The following WNK2 variants were observed in gnomAD, a reference collection of about 807,000 sequenced individuals.
WNK2 encodes serine/threonine-protein kinase WNK2.
A neutral mutation model predicts 192.1 loss-of-function variants in WNK2; 67 were observed. The observed-to-expected ratio is 0.35, with a 90% CI of 0.29 to 0.43. The LOEUF is 0.43. Ranked by LOEUF, WNK2 falls within the 20% of genes least tolerant of loss-of-function variation. The probability of loss-of-function intolerance (pLI) is 1.00; values close to 1 mark genes in which losing one functional copy is unlikely to be tolerated. For synonymous variants in WNK2, 1,439 were observed against 1,393.9 expected (o/e 1.03, Z -0.72); for missense variants, 2,698 against 3,089.7 (o/e 0.87, Z 3.01).
Position 93,184,336 on chromosome 9 carries a change from C to A in WNK2, c.-52C>A, listed in dbSNP as rs1249998523. On this transcript the variant is annotated 5_prime_UTR_variant, in exon 1 of 30. Transcript: ENST00000427277. ...CCTCGAAGCGTGATCTCTCCCGCCT[C>A]GCACGCCCTGGCCGCCGGGCCGCGG... Among the ~76,000 whole-genome samples the A allele has an allele frequency of 6.6e-6, 1 of 151,234 alleles. No homozygotes were observed. Among genetic ancestry groups the A allele is most frequent in the Admixed American group, 6.6e-5 (1 of 15,200 alleles).
chr9:93,241,290 G>A (rs1044112821), intron 7 of WNK2, among the ~76,000 whole-genome samples: 1 of 152,228 alleles, frequency 6.6e-6, no homozygotes, highest in Non-Finnish European at 1.5e-5. Context: ...AAGACCAGTG[G>A]GAACGAGAGG....
At chr9:93,273,686 A>G (rs1321279336) in intron 19 of WNK2, among the ~76,000 whole-genome samples, 1 of 152,248 alleles carries the variant, frequency 6.6e-6, no homozygotes, top group African/African-American at 2.4e-5. Context: ...ATTGACATTT[A>G]TAGAACACTC....
chr9:93,277,558 C>T (rs1267910602), intron 19 of WNK2, among the ~76,000 whole-genome samples: 2 of 152,142 alleles, frequency 1.3e-5, no homozygotes, highest in East Asian at 3.8e-4. Flanking sequence ...ACCTCAAAGG[C>T]ATTAAGCTGA....
Position 93,289,565 on chromosome 9 carries a change from T to G in WNK2, c.4811T>G (p.Leu1604Arg). The G allele has an allele frequency of 6.5e-7, 1 of 1,539,222 alleles. No individual in the cohort carries two copies. The highest frequency in any genetic ancestry group is 8.7e-7 in the Non-Finnish European group (1 of 1,143,512). ...RSEVCGGDLA[L>R]PPVPKEAVSG... is the part of the protein sequence containing the mutation. ...GAGGTCTGCGGGGGGGACCTGGCCC[T>G]GCCCCCAGTGCCTAAGGAGGCGGTC... The change falls in exon 20 of 30, where the codon CTG becomes CGG. Residue 1604 changes from leucine to arginine, a missense_variant. Leu to Arg is a moderately radical substitution (Grantham distance 102). This residue lies in a region of WNK2 where 1,098 missense variants were observed against 1,101.0 expected (regional missense o/e 1.00). Transcript: ENST00000427277.
intron 2 of WNK2, among the ~76,000 whole-genome samples, chr9:93,212,829 T>C (rs900887023): frequency 6.6e-6 from 1 of 152,180 alleles, no homozygotes; most frequent in Non-Finnish European, 1.5e-5. Context: ...TGTTTCTTCA[T>C]CTCTGGGTGT....
At chr9:93,195,961 G>A (rs1831212020) in intron 2 of WNK2, among the ~76,000 whole-genome samples, 1 of 152,126 alleles carries the variant, frequency 6.6e-6, no homozygotes, top group African/African-American at 2.4e-5. Context: ...TGAACCCTTT[G>A]CTGAGGGTGG....
chr9:93,224,053 G>T (rs1368635109), intron 2 of WNK2, among the ~76,000 whole-genome samples: 1 of 152,220 alleles, frequency 6.6e-6, no homozygotes, highest in Non-Finnish European at 1.5e-5. Context: ...TGGGACTATT[G>T]TGGACAGAGA....
At chr9:93,292,077 A>G (rs1233150944) in intron 21 of WNK2, among the ~76,000 whole-genome samples, 1 of 152,192 alleles carries the variant, frequency 6.6e-6, no homozygotes, top group Non-Finnish European at 1.5e-5. Context: ...GGCATCTGTC[A>G]TAGAATGCCG....
At chr9:93,284,689 C>T (rs142291986) in intron 19 of WNK2, among the ~76,000 whole-genome samples, 16 of 152,302 alleles carry the variant, frequency 1.1e-4, no homozygotes, top group South Asian at 4.1e-4. Flanking sequence ...AAGAAGCTCA[C>T]GCCCTGCTTC....
chr9:93,252,330 G>A (rs1365416347), intron 8 of WNK2, among the ~76,000 whole-genome samples: 2 of 152,208 alleles, frequency 1.3e-5, no homozygotes, highest in Non-Finnish European at 2.9e-5. Context: ...TGTCACCCCT[G>A]CCACCGCATC....
chr9:93,204,432 G>T (rs1052909092), intron 2 of WNK2, among the ~76,000 whole-genome samples: 1 of 152,222 alleles, frequency 6.6e-6, no homozygotes, highest in Non-Finnish European at 1.5e-5. Context: ...TGGAATGGGG[G>T]CCAGAAAGGC....
intron 2 of WNK2, among the ~76,000 whole-genome samples, chr9:93,227,833 C>G (rs1838079035): frequency 6.6e-6 from 1 of 152,080 alleles, no homozygotes. Context: ...GAACATGTTT[C>G]CATTTTATTG....
chr9:93,186,376 C>T (rs1829339298), intron 2 of WNK2, among the ~76,000 whole-genome samples: 1 of 152,184 alleles, frequency 6.6e-6, no homozygotes. Flanking sequence ...GGTGTCAGCC[C>T]CAGCCCTGCA....
At position 93,256,615 on chromosome 9, in the gene WNK2, G is replaced by T. The variant is rs111738260; in HGVS notation, c.2190+161G>T. On this transcript the variant is annotated intron_variant, in intron 10 of 29. Transcript: ENST00000427277. ...TGCCTGAGGGATGGGAGTGACTCTC[G>T]TATGTGCATGTGTTTGTGTGTGTAC... 320 of 849,874 alleles carry T rather than the reference G, an allele frequency of 3.8e-4. 1 individual carries two copies. In the African/African-American group the frequency reaches 4.7e-3, roughly 12 times the overall value. 52.6% of individuals were successfully genotyped at this position (849,874 alleles called of 1,614,324 possible).
At chr9:93,217,871 C>T (rs1279517205) in intron 2 of WNK2, among the ~76,000 whole-genome samples, 5 of 152,178 alleles carry the variant, frequency 3.3e-5, no homozygotes, top group Admixed American at 2.0e-4. Flanking sequence ...CCTAGGGCCT[C>T]TGGGGAGGAA....
intron 7 of WNK2, among the ~76,000 whole-genome samples, chr9:93,246,723 G>T (rs890164576): frequency 4.6e-5 from 7 of 152,200 alleles, no homozygotes; most frequent in Admixed American, 4.6e-4. Context: ...CCTCTTGCAC[G>T]GGCACCTCCG....
chr9:93,186,821 C>T (rs375405259), intron 2 of WNK2, among the ~76,000 whole-genome samples: 8 of 152,280 alleles, frequency 5.3e-5, no homozygotes, highest in African/African-American at 1.7e-4. Flanking sequence ...CTTGGTTCTG[C>T]CTTGGAGATG....
At chr9:93,260,990 C>T (rs1448680900) in intron 12 of WNK2, among the ~76,000 whole-genome samples, 1 of 152,194 alleles carries the variant, frequency 6.6e-6, no homozygotes, top group East Asian at 1.9e-4. Flanking sequence ...GTGGCTGTCC[C>T]TGCTGTTTGG....
At chr9:93,301,582 T>A (rs546184539) in intron 26 of WNK2, among the ~76,000 whole-genome samples, 2 of 152,128 alleles carry the variant, frequency 1.3e-5, no homozygotes, top group African/African-American at 4.8e-5. Flanking sequence ...AGTGGGCGCC[T>A]TCCCCCCCAC....
Sources: gnomAD v4.1 joint callset for allele counts (sites outside exome capture counted in the v4.1 genomes callset) on GRCh38, gnomAD v4.1.1 for gene constraint, gnomAD v4.1.1 regional missense constraint, MANE v1.5 for transcripts, NCBI Gene and HGNC (gene_info 2026-07-23, HGNC 2026-07-21) for gene names.